The following STX12 variants were observed in gnomAD, a reference collection of about 807,000 sequenced individuals.
STX12 encodes syntaxin 12, also known as syntaxin-12.
In STX12, 17 loss-of-function variants were observed where a neutral mutation model predicts 42.2. The ratio of observed to expected loss-of-function variants is 0.40; its 90% CI spans 0.28 to 0.60. The LOEUF (loss-of-function observed/expected upper bound fraction) is 0.60, where lower values mean the gene tolerates loss of function less well. Ranked by LOEUF, STX12 falls within the 20% of genes least tolerant of loss-of-function variation. The pLI, the probability that STX12 is intolerant of heterozygous loss-of-function variation, is 0.39. For synonymous variants in STX12, 108 were observed against 116.7 expected (o/e 0.93, Z 0.48); for missense variants, 297 against 330.9 (o/e 0.90, Z 0.79).
intron 3 of STX12, among the ~76,000 whole-genome samples, chr1:27,796,541 G>A (rs774821699): frequency 6.6e-6 from 1 of 152,012 alleles, no homozygotes; most frequent in African/African-American, 2.4e-5. Context: ...ACAGGCATGT[G>A]CCACCACACC....
rs181301942 is a variant in STX12 at position 27,798,984 on chromosome 1, A to T, written c.289-2694A>T. ...AAAAAAAAACAAAAACATAATTGTGAAGAGTATGGTAACATGGAAAATGTT... is the reference window on the plus strand; with the variant it reads ...AAAAAAAAACAAAAACATAATTGTGTAGAGTATGGTAACATGGAAAATGTT... On this transcript the variant is annotated intron_variant, in intron 3 of 8. Transcript: ENST00000373943. Among the ~76,000 whole-genome samples, 120 of 151,926 alleles carry T rather than the reference A, an allele frequency of 7.9e-4. 1 individual carries two copies. The highest frequency in any genetic ancestry group is 9.6e-4 in the Non-Finnish European group (65 of 67,944).
At chr1:27,778,629 T>C (rs2088643415) in intron 1 of STX12, among the ~76,000 whole-genome samples, 1 of 150,798 alleles carries the variant, frequency 6.6e-6, no homozygotes, top group East Asian at 1.9e-4. Context: ...AGGTGCAGGT[T>C]GCAGTAAACC....
rs1159206958 is a variant in STX12, at chr1:27,792,144, C to G, written c.189-1389C>G. Among the ~76,000 whole-genome samples the G allele has an allele frequency of 2.2e-5, 2 of 91,304 alleles. 1 individual carries two copies. The highest frequency in any genetic ancestry group is 2.3e-4 in the African/African-American group (2 of 8,828). 59.9% of individuals were successfully genotyped at this position (91,304 alleles called of 152,430 possible). On this transcript the variant is annotated intron_variant, in intron 2 of 8. Transcript: ENST00000373943. ...AATATATATCTATATATGTATATAT[C>G]TATATATGTGTATCTATATATGTAT...
Position 27,773,354 on chromosome 1 carries a change from G to C in STX12, c.47G>C (p.Gly16Ala). 3.1e-6 allele frequency: 5 copies of C among 1,613,154 alleles called. No individual in the cohort carries two copies. Among genetic ancestry groups the C allele is most frequent in the Non-Finnish European group, 4.2e-6 (5 of 1,179,412 alleles). ...ATGTACCGGAACCCGGGGCCCTCGGGGCCCCAGCTCCGGGACTTCAGCAGC... is the reference window on the plus strand; with the variant it reads ...ATGTACCGGAACCCGGGGCCCTCGGCGCCCCAGCTCCGGGACTTCAGCAGC... ...LDMYRNPGPS[G>A]PQLRDFSSII... Residue 16 changes from glycine (G) to alanine (A), a missense_variant, in exon 1 of 9, where the codon GGG (glycine) becomes GCG (alanine). Coordinates refer to ENST00000373943, the MANE Select transcript of STX12 (RefSeq NM_177424.3).
intron 7 of STX12, chr1:27,818,153 C>CGG: frequency 2.3e-6 from 1 of 433,472 alleles, no homozygotes; most frequent in African/African-American, 2.0e-5. Flanking sequence ...GAAGCCCAAG[C>CGG]GGGCAGATCA....
intron 3 of STX12, 87 bp downstream of exon 3, chr1:27,793,719 G>T: frequency 9.4e-7 from 1 of 1,061,568 alleles, no homozygotes; most frequent in Non-Finnish European, 1.4e-6. Context: ...AAATAAGTTG[G>T]CCTTTGGTGC....
At chr1:27,805,624 A>G (rs1460533318) in intron 4 of STX12, among the ~76,000 whole-genome samples, 2 of 152,110 alleles carry the variant, frequency 1.3e-5, no homozygotes, top group Admixed American at 6.6e-5. Context: ...ATATGTTTTC[A>G]TGTTACTAAT....
At chr1:27,773,505 GCTGGGGCTACGGCCGAGGCCACAC>G in intron 1 of STX12, 80 bp downstream of exon 1, 1 of 1,374,336 alleles carries the variant, frequency 7.3e-7, no homozygotes, top group South Asian at 1.2e-5. Flanking sequence ...GCAGGGCCCG[GCTGGGGCTACGGCCGAGGCCACAC>G]CTGGGGCTGT....
chr1:27,792,158 C>A lies in STX12; in HGVS notation c.189-1375C>A, dbSNP rs565673916. On this transcript the variant is annotated intron_variant, in intron 2 of 8. Coordinates refer to ENST00000373943, the MANE Select transcript of STX12 (RefSeq NM_177424.3). ...TATGTATATATCTATATATGTGTAT[C>A]TATATATGTATATACATATATATGT... Among the ~76,000 whole-genome samples the A allele has an allele frequency of 3.4e-3, 338 of 100,122 alleles. 27 individuals carry two copies. Among genetic ancestry groups the A allele is most frequent in the African/African-American group, 0.021 (310 of 14,488 alleles). The allele number at this position is 100,122 out of a possible 152,430, so 65.7% of individuals were successfully genotyped here.
chr1:27,807,924 A>C (rs982727129), intron 4 of STX12, among the ~76,000 whole-genome samples: 22 of 152,228 alleles, frequency 1.4e-4, no homozygotes, highest in Middle Eastern at 3.2e-3. Context: ...CAAAAAAAGC[A>C]CTAAAGAATA....
At chr1:27,813,221 G>A (rs1169269518) in intron 6 of STX12, among the ~76,000 whole-genome samples, 3 of 151,560 alleles carry the variant, frequency 2.0e-5, no homozygotes, top group African/African-American at 7.3e-5. Context: ...TGTCGCCCAG[G>A]CAGGAGTGCA....
chr1:27,799,489 GT>G (rs1301649143), intron 3 of STX12, among the ~76,000 whole-genome samples: 14 of 127,696 alleles, frequency 1.1e-4, no homozygotes, highest in Non-Finnish European at 9.9e-5. Context: ...TTTTTTTTTT[GT>G]TTTTTTTTTT....
chr1:27,813,593 C>T (rs1441306105), intron 6 of STX12, among the ~76,000 whole-genome samples: 1 of 152,134 alleles, frequency 6.6e-6, no homozygotes. Flanking sequence ...TCTTCCTTGG[C>T]CTCCATCTGT....
At chr1:27,774,222 T>C (rs1051399725) in intron 1 of STX12, among the ~76,000 whole-genome samples, 7 of 152,174 alleles carry the variant, frequency 4.6e-5, no homozygotes, top group Non-Finnish European at 7.3e-5. Flanking sequence ...GAGTTGTTGG[T>C]GGAATTCAGA....
At chr1:27,807,751 T>C (rs1407553376) in intron 4 of STX12, among the ~76,000 whole-genome samples, 2 of 152,228 alleles carry the variant, frequency 1.3e-5, no homozygotes, top group African/African-American at 4.8e-5. Flanking sequence ...CATAGCAGCA[T>C]TGTTTGTAGT....
At chr1:27,779,473 A>G (rs1017729027) in intron 1 of STX12, among the ~76,000 whole-genome samples, 21 of 151,270 alleles carry the variant, frequency 1.4e-4, no homozygotes, top group Non-Finnish European at 2.4e-4. Flanking sequence ...TGCTGGGATT[A>G]CAGGACCTGC....
intron 1 of STX12, among the ~76,000 whole-genome samples, chr1:27,786,607 A>G (rs1168091233): frequency 1.3e-5 from 2 of 152,164 alleles, no homozygotes; most frequent in Non-Finnish European, 2.9e-5. Context: ...CTCGAAGGCA[A>G]GTGTCTTCTA....
chr1:27,775,802 G>A (rs2088624901), intron 1 of STX12, among the ~76,000 whole-genome samples: 1 of 152,142 alleles, frequency 6.6e-6, no homozygotes, highest in Admixed American at 6.6e-5. Context: ...TTGGACCTTC[G>A]AAGGTAAAGA....
intron 4 of STX12, chr1:27,809,801 A>C (rs2088891152): frequency 6.5e-6 from 1 of 154,070 alleles, no homozygotes; most frequent in African/African-American, 2.4e-5. Context: ...AAATCAAAAA[A>C]ACCTTAGGAG....
Sources: allele counts gnomAD v4.1 joint callset (sites outside exome capture counted in the v4.1 genomes callset), GRCh38; gene constraint gnomAD v4.1.1; transcripts MANE v1.5; gene names NCBI Gene and HGNC (gene_info 2026-07-23, HGNC 2026-07-21).